IBTK: variants seen among roughly 807,000 people sequenced by gnomAD.
IBTK encodes the protein inhibitor of Bruton tyrosine kinase, also known as BTK-binding protein.
IBTK carries 83 observed loss-of-function variants against 154.9 expected under a neutral mutation model. That is an observed-to-expected ratio of 0.54 (90% CI 0.45 to 0.64). The LOEUF (loss-of-function observed/expected upper bound fraction) is 0.64. Ranked by LOEUF, IBTK falls within the 30% of genes least tolerant of loss-of-function variation. IBTK has a pLI of 0.00. For missense variants in IBTK, 1,332 were observed against 1,584.6 expected (o/e 0.84, Z 2.71); for synonymous variants, 515 against 536.1 (o/e 0.96, Z 0.54).
chr6:82,246,455 T>TTTTTTTTC (rs1771148414), intron 1 of IBTK, among the ~76,000 whole-genome samples: 1 of 145,772 alleles, frequency 6.9e-6, no homozygotes, highest in South Asian at 2.3e-4. Context: ...TTTTTTTTTT[T>TTTTTTTTC]TTTTTTTGAG....
At position 82,214,315 on chromosome 6, in the gene IBTK, T is replaced by C. The variant is rs1372243843; in HGVS notation, c.2116A>G (p.Lys706Glu). ...ERQKSKPKSC[K>E]KGKNIREDDP... The stretch of plus-strand genomic sequence containing the variant: ...TCTTCCCTAATATTTTTTCCTTTTT[T>C]ACAAGATTTAGGTTTGCTCTTCTGC... The change falls in exon 12 of 29, where the codon AAA becomes GAA. Residue 706 changes from lysine (K) to glutamate (E), a missense_variant. By Grantham distance (56) the Lys-to-Glu change is moderately conservative. Coordinates refer to ENST00000306270, the MANE Select transcript of IBTK (RefSeq NM_015525.4). The C allele has an allele frequency of 1.9e-6, 3 of 1,614,030 alleles. No individual in the cohort carries two copies. Among genetic ancestry groups the C allele is most frequent in the Admixed American group, 3.3e-5 (2 of 59,992 alleles).
intron 11 of IBTK, among the ~76,000 whole-genome samples, chr6:82,215,867 T>C (rs1405200215): frequency 6.6e-6 from 1 of 151,858 alleles, no homozygotes; most frequent in Non-Finnish European, 1.5e-5. Flanking sequence ...TGTCAGTTTA[T>C]AAACCAAAGG....
intron 9 of IBTK, among the ~76,000 whole-genome samples, chr6:82,219,839 T>G (rs1250000749): frequency 2.0e-5 from 3 of 152,118 alleles, no homozygotes; most frequent in Admixed American, 6.6e-5. Context: ...ATGCATACAT[T>G]TGTATAAAAC....
chr6:82,178,351 T>C (rs1048701421), intron 26 of IBTK, among the ~76,000 whole-genome samples: 4 of 152,190 alleles, frequency 2.6e-5, no homozygotes, highest in Non-Finnish European at 4.4e-5. Context: ...CAAATCGTTA[T>C]ATATCTAAAG....
At chr6:82,194,307 G>C (rs182272340) in intron 23 of IBTK, among the ~76,000 whole-genome samples, 172 bp downstream of exon 23, 125 of 152,132 alleles carry the variant, frequency 8.2e-4, no homozygotes, top group African/African-American at 2.8e-3. Context: ...GGGTTGGTTG[G>C]GGGGGAAGCC....
At chr6:82,190,484 C>T (rs141685410) in intron 25 of IBTK, among the ~76,000 whole-genome samples, 105 of 152,246 alleles carry the variant, frequency 6.9e-4, no homozygotes, top group African/African-American at 2.4e-3. Context: ...ACCTATTTTA[C>T]ATATCTCAAA....
At position 82,176,858 on chromosome 6, in the gene IBTK, C is replaced by T. The variant is rs913557415; in HGVS notation, c.3726-3420G>A. Among the ~76,000 whole-genome samples the T allele has an allele frequency of 1.3e-5, 2 of 152,126 alleles. 1 individual carries two copies. Among genetic ancestry groups the T allele is most frequent in the South Asian group, 4.1e-4 (2 of 4,820 alleles). On this transcript the variant is annotated intron_variant, in intron 26 of 28. Transcript: ENST00000306270. ...TAAGCATTCCTATCTTCTTAACTCC[C>T]ACGATTTCCTCTGTTTATACTGCCC... is the stretch of plus-strand genomic sequence containing the variant.
intron 27 of IBTK, chr6:82,173,104 C>T (rs559051040): frequency 2.3e-4 from 57 of 247,042 alleles, no homozygotes; most frequent in African/African-American, 1.1e-3. Context: ...CAGGTTCAAA[C>T]GATTCTCCTG....
rs949955362 is a variant in IBTK, at chr6:82,240,623, C to A, written c.-137G>T. On this transcript the variant is annotated 5_prime_UTR_variant, in exon 2 of 29. Transcript: ENST00000306270. ...TTTAGGATAATTTAAATCCTCCTGA[C>A]AATAGTATAAAACTATATATCTTTA... 5 of 704,546 alleles carry A rather than the reference C, an allele frequency of 7.1e-6. No individual in the cohort carries two copies. In the African/African-American group the frequency reaches 7.2e-5, roughly 10 times the overall value. 43.6% of individuals were successfully genotyped at this position (704,546 alleles called of 1,614,324 possible).
chr6:82,229,701 C>G (rs946392723), intron 4 of IBTK, among the ~76,000 whole-genome samples: 17 of 152,174 alleles, frequency 1.1e-4, no homozygotes, highest in African/African-American at 4.1e-4. Context: ...CTCTCACATT[C>G]ACTAAAGACT....
chr6:82,170,083 A>G lies in IBTK; in HGVS notation c.*1342T>C, dbSNP rs908942841. The stretch of plus-strand genomic sequence containing the variant: ...CACACATACAAAAATTCACAAGTTC[A>G]TATTTAGAAAACTGCCTTTTTAAAT... On this transcript the variant is annotated 3_prime_UTR_variant, in exon 29 of 29. Coordinates refer to ENST00000306270, the MANE Select transcript of IBTK (RefSeq NM_015525.4). 1 of 152,248 alleles carries G rather than the reference A, an allele frequency of 6.6e-6. No individual in the cohort carries two copies. Among genetic ancestry groups the G allele is most frequent in the Non-Finnish European group, 1.5e-5 (1 of 68,036 alleles). The allele number at this position is 152,248 out of a possible 1,614,324, so 9.4% of individuals were successfully genotyped here. A position where few individuals can be genotyped will look rare whatever the true frequency, so the allele number is the denominator to read the frequency against.
chr6:82,186,150 C>A (rs1319217725), intron 25 of IBTK, among the ~76,000 whole-genome samples: 1 of 152,152 alleles, frequency 6.6e-6, no homozygotes, highest in Non-Finnish European at 1.5e-5. Context: ...CTGACTGTTA[C>A]ACCAATTGGC....
At chr6:82,215,883 T>G (rs906841208) in intron 11 of IBTK, among the ~76,000 whole-genome samples, 193 bp downstream of exon 11, 1 of 152,014 alleles carries the variant, frequency 6.6e-6, no homozygotes, top group Admixed American at 6.6e-5. Flanking sequence ...AAAGGAAACA[T>G]TCATCACTCC....
intron 22 of IBTK, among the ~76,000 whole-genome samples, chr6:82,195,312 A>G (rs981312390): frequency 6.6e-6 from 1 of 152,048 alleles, no homozygotes; most frequent in Non-Finnish European, 1.5e-5. Context: ...GTGGTTGCTC[A>G]CATCTGTAAT....
chr6:82,202,436 T>G (rs7771978), intron 18 of IBTK, 92 bp downstream of exon 18: 335,486 of 746,176 alleles, frequency 0.45, 78,434 homozygotes, highest in East Asian at 0.75. Context: ...CAGGTAAACA[T>G]CATTATTCAC....
chr6:82,201,073 A>T (rs1287660565), intron 19 of IBTK, among the ~76,000 whole-genome samples: 2 of 152,088 alleles, frequency 1.3e-5, no homozygotes, highest in Admixed American at 1.3e-4. Flanking sequence ...ACTTGAGAAA[A>T]AGCTCCACTT....
At chr6:82,201,558 T>G (rs991650402) in intron 18 of IBTK, 76 bp from the exon 19 acceptor site, 4 of 921,306 alleles carry the variant, frequency 4.3e-6, no homozygotes, top group African/African-American at 1.7e-5. Flanking sequence ...CATACGTAGA[T>G]ATTTCATATT....
chr6:82,202,906 A>G (rs974484063), intron 17 of IBTK, among the ~76,000 whole-genome samples: 7 of 152,218 alleles, frequency 4.6e-5, no homozygotes, highest in Non-Finnish European at 1.0e-4. Flanking sequence ...CAGAAGGGGC[A>G]TAGTGCCACC....
intron 25 of IBTK, among the ~76,000 whole-genome samples, chr6:82,185,989 T>C (rs1273303192): frequency 6.6e-6 from 1 of 152,212 alleles, no homozygotes; most frequent in Non-Finnish European, 1.5e-5. Flanking sequence ...TGTGTCATAT[T>C]TTGGTATTTC....
Sources: gnomAD v4.1 joint callset for allele counts (sites outside exome capture counted in the v4.1 genomes callset) on GRCh38, gnomAD v4.1.1 for gene constraint, MANE v1.5 for transcripts, NCBI Gene and HGNC (gene_info 2026-07-23, HGNC 2026-07-21) for gene names.